EFHC2: variants seen among roughly 807,000 people sequenced by gnomAD.
The protein encoded by EFHC2 is EF-hand domain containing 2.
A neutral mutation model predicts 52.7 loss-of-function variants in EFHC2; 18 were observed. That is an observed-to-expected ratio of 0.34 (90% confidence interval 0.24 to 0.51). EFHC2 has a LOEUF of 0.51. Among genes scored for constraint, EFHC2 ranks in the 20% least tolerant of loss-of-function variants. EFHC2 has a pLI of 0.97. For synonymous variants in EFHC2, 203 were observed against 204.1 expected, an observed-to-expected ratio of 0.99 and a Z score of 0.04; for missense variants, 513 against 562.5, an observed-to-expected ratio of 0.91 and a Z score of 0.89.
intron 2 of EFHC2, among the ~76,000 whole-genome samples, chrX:44,276,021 C>T (rs1473312303): frequency 2.7e-5 from 3 of 111,086 alleles, no homozygotes. Flanking sequence ...ATGTGATCTT[C>T]AGTCCTCCAC....
intron 4 of EFHC2, among the ~76,000 whole-genome samples, chrX:44,251,669 ACTT>A (rs1182144029): frequency 1.0e-5 from 1 of 98,683 alleles, no homozygotes; most frequent in African/African-American, 3.7e-5. Context: ...AAAAAACTAT[ACTT>A]CTTTAATATT....
chrX:44,317,852 A>G (rs1371530014), intron 1 of EFHC2, among the ~76,000 whole-genome samples: 1 of 113,074 alleles, frequency 8.8e-6, no homozygotes, highest in Admixed American at 9.3e-5. Context: ...TAGGGTGGCT[A>G]TAATTTTTTT....
chrX:44,219,496 T>C (rs188966772), intron 11 of EFHC2, among the ~76,000 whole-genome samples: 1,552 of 111,213 alleles, frequency 0.014, 9 homozygotes, highest in Non-Finnish European at 0.023. Flanking sequence ...GATATAAGAA[T>C]GTATAAATGG....
intron 2 of EFHC2, among the ~76,000 whole-genome samples, chrX:44,299,555 G>A (rs922225968): frequency 1.8e-4 from 20 of 111,377 alleles, no homozygotes; most frequent in African/African-American, 2.9e-4. Context: ...GTGTTGGCCC[G>A]CCTTTCCAGA....
intron 7 of EFHC2, among the ~76,000 whole-genome samples, chrX:44,243,676 T>C (rs1462366820): frequency 8.9e-6 from 1 of 112,158 alleles, no homozygotes; most frequent in Admixed American, 9.5e-5. Flanking sequence ...TGTTACATCC[T>C]AACAGAGACT....
chrX:44,302,990 T>C (rs2037879011), intron 2 of EFHC2, among the ~76,000 whole-genome samples: 1 of 112,086 alleles, frequency 8.9e-6, no homozygotes, highest in African/African-American at 3.2e-5. Context: ...TATTGTTCTT[T>C]GTTAAGCAAG....
chrX:44,193,818 G>T (rs1416415621), intron 11 of EFHC2, among the ~76,000 whole-genome samples: 5 of 112,095 alleles, frequency 4.5e-5, no homozygotes, highest in African/African-American at 1.6e-4. Flanking sequence ...GAAGGAGGGT[G>T]GGAGGGAGGA....
chrX:44,261,445 A>C, intron 3 of EFHC2, 147 bp from the exon 4 acceptor site: 1 of 459,625 alleles, frequency 2.2e-6, no homozygotes, highest in Non-Finnish European at 3.5e-6. Flanking sequence ...GTACATTCCA[A>C]CTCTGAGGAA....
chrX:44,214,158 G>T (rs963412985), intron 11 of EFHC2, among the ~76,000 whole-genome samples: 3 of 111,579 alleles, frequency 2.7e-5, no homozygotes, highest in African/African-American at 9.8e-5. Flanking sequence ...GAAAAGAACA[G>T]CAGAAATATT....
At chrX:44,286,484 G>A (rs917371689) in intron 2 of EFHC2, among the ~76,000 whole-genome samples, 1 of 111,366 alleles carries the variant, frequency 9.0e-6, no homozygotes, top group Non-Finnish European at 1.9e-5. Context: ...AACTGCCCTT[G>A]ATGTTATTAA....
chrX:44,236,720 A>G (rs959443422), intron 8 of EFHC2, among the ~76,000 whole-genome samples: 2 of 111,639 alleles, frequency 1.8e-5, no homozygotes, highest in Admixed American at 9.5e-5. Context: ...CCAGGTCTGC[A>G]TGGCTGTTTT....
At chrX:44,318,466 C>T (rs188521678) in intron 1 of EFHC2, among the ~76,000 whole-genome samples, 53 of 111,448 alleles carry the variant, frequency 4.8e-4, no homozygotes, top group East Asian at 8.5e-4. Flanking sequence ...AGCTGCACAG[C>T]GTTGTGAATG....
At chrX:44,310,282 C>CG in intron 2 of EFHC2, 5 of 1,023,208 alleles carry the variant, frequency 4.9e-6, no homozygotes, top group Non-Finnish European at 6.9e-6. Context: ...TCCTCCACGC[C>CG]GGGGGCAGCT....
chrX:44,310,147 T>C, intron 2 of EFHC2: 1 of 686,686 alleles, frequency 1.5e-6, no homozygotes, highest in Non-Finnish European at 2.4e-6. Flanking sequence ...CGAATGTCCT[T>C]GGACAGGTCC....
At chrX:44,272,463 C>T (rs767150163) in intron 3 of EFHC2, among the ~76,000 whole-genome samples, 2 of 111,826 alleles carry the variant, frequency 1.8e-5, no homozygotes, top group Non-Finnish European at 3.8e-5. Flanking sequence ...TACAAGTATG[C>T]CACGGAGGAG....
At chrX:44,306,175 C>T (rs1021579682) in intron 2 of EFHC2, among the ~76,000 whole-genome samples, 3 of 111,341 alleles carry the variant, frequency 2.7e-5, no homozygotes, top group African/African-American at 9.8e-5. Context: ...TAAAACCCGA[C>T]CCAGCCCCCA....
chrX:44,272,016 C>G (rs2037621158), intron 3 of EFHC2, among the ~76,000 whole-genome samples: 1 of 112,176 alleles, frequency 8.9e-6, no homozygotes, highest in Admixed American at 9.5e-5. Flanking sequence ...AACTCCGCAG[C>G]ATCCCAAGAG....
chrX:44,282,332 G>T (rs1046794442), intron 2 of EFHC2, among the ~76,000 whole-genome samples: 1 of 105,251 alleles, frequency 9.5e-6, no homozygotes, highest in Non-Finnish European at 1.9e-5. Context: ...GGCCGGGCAC[G>T]GTGGCTCACA....
intron 14 of EFHC2, among the ~76,000 whole-genome samples, chrX:44,153,871 T>C (rs969425300): frequency 8.9e-6 from 1 of 112,452 alleles, no homozygotes; most frequent in Non-Finnish European, 1.9e-5. Flanking sequence ...ACTGTCTTCA[T>C]TGACTTTTTA....
Sources: allele counts gnomAD v4.1 joint callset (sites outside exome capture counted in the v4.1 genomes callset), GRCh38; gene constraint gnomAD v4.1.1; transcripts MANE v1.5; gene names NCBI Gene and HGNC (gene_info 2026-07-23, HGNC 2026-07-21).